The following LCT variants were observed in gnomAD, a reference collection of about 807,000 sequenced individuals.
LCT encodes lactase.
In LCT, 90 loss-of-function variants were observed where a neutral mutation model predicts 173.0. The ratio of observed to expected loss-of-function variants is 0.52; its 90% confidence interval spans 0.44 to 0.62. The LOEUF (loss-of-function observed/expected upper bound fraction) is 0.62, where lower values mean the gene tolerates loss of function less well. Among genes scored for constraint, LCT ranks in the 20% least tolerant of loss-of-function variants. The pLI, the probability that LCT is intolerant of heterozygous loss-of-function variation, is 0.00. For missense variants in LCT, 1,864 were observed against 2,431.4 expected, an observed-to-expected ratio of 0.77 and a Z score of 4.91; for synonymous variants, 853 against 957.6, an observed-to-expected ratio of 0.89 and a Z score of 2.02.
At chr2:135,795,059 A>ACT (rs113288610) in intron 13 of LCT, among the ~76,000 whole-genome samples, 24 of 152,174 alleles carry the variant, frequency 1.6e-4, no homozygotes, top group East Asian at 5.8e-4. Context: ...ACACACACAC[A>ACT]CACACACACA....
intron 8 of LCT, 35 bp from the exon 9 acceptor site, chr2:135,807,431 G>C (rs2077686505): frequency 6.2e-7 from 1 of 1,611,538 alleles, no homozygotes; most frequent in Non-Finnish European, 8.5e-7. Flanking sequence ...AGGAGAGCTT[G>C]ACACCAGGAG....
At chr2:135,816,530 T>A (rs2077782485) in intron 6 of LCT, among the ~76,000 whole-genome samples, 1 of 152,236 alleles carries the variant, frequency 6.6e-6, no homozygotes, top group East Asian at 1.9e-4. Flanking sequence ...GGAGAGGAAC[T>A]GGGTCCTGGT....
intron 5 of LCT, among the ~76,000 whole-genome samples, chr2:135,818,670 T>A (rs541109612): frequency 6.6e-6 from 1 of 152,256 alleles, no homozygotes; most frequent in Admixed American, 6.5e-5. Flanking sequence ...AAACCCCGTC[T>A]CTACTAAAAA....
At chr2:135,811,431 C>G (rs1252386576) in intron 7 of LCT, among the ~76,000 whole-genome samples, 1 of 152,046 alleles carries the variant, frequency 6.6e-6, no homozygotes, top group Admixed American at 6.5e-5. Context: ...ATTTGCCATA[C>G]CTTTCCAATT....
At chr2:135,797,424 T>G (rs2077590992) in intron 13 of LCT, among the ~76,000 whole-genome samples, 1 of 152,162 alleles carries the variant, frequency 6.6e-6, no homozygotes, top group Non-Finnish European at 1.5e-5. Context: ...TCACCCCACC[T>G]GCATGATTCT....
At chr2:135,813,669 C>T (rs2077753822) in intron 6 of LCT, among the ~76,000 whole-genome samples, 1 of 152,240 alleles carries the variant, frequency 6.6e-6, no homozygotes, top group Admixed American at 6.5e-5. Flanking sequence ...CCCTGGCAGT[C>T]TGATTCCAAG....
intron 7 of LCT, 75 bp from the exon 8 acceptor site, chr2:135,810,068 C>T: frequency 9.4e-7 from 1 of 1,066,960 alleles, no homozygotes; most frequent in South Asian, 1.4e-5. Context: ...ACTGTATTGC[C>T]CAGGCTGGTC....
intron 5 of LCT, among the ~76,000 whole-genome samples, chr2:135,818,561 T>G (rs544126923): frequency 1.9e-4 from 29 of 152,098 alleles, no homozygotes; most frequent in Non-Finnish European, 3.7e-4. Context: ...AAACGGGGGC[T>G]GGGTGTGGTG....
rs1235251541 is a variant in LCT, at chr2:135,790,770, A to G, written c.5223T>C (p.Asn1741=). 2 of 1,613,912 alleles carry G rather than the reference A, an allele frequency of 1.2e-6. No individual in the cohort carries two copies. Among genetic ancestry groups the G allele is most frequent in the Non-Finnish European group, 1.7e-6 (2 of 1,179,880 alleles). The change falls in exon 15 of 17, where the codon AAT becomes AAC. Residue 1741 remains asparagine, a synonymous_variant. Transcript: ENST00000264162. The surrounding 1 kb of genome is among the most constrained non-coding windows in gnomAD (Gnocchi z 4.1). The part of the protein sequence containing the change: ...RILNWLKEEY[N]DPPIYVTENG... Reference sequence around the variant, plus strand: ...TCTCTGTGACATAAATTGGAGGGTCATTGTATTCCTCCTTTAACCAGTTCA... The same window carrying G: ...TCTCTGTGACATAAATTGGAGGGTCGTTGTATTCCTCCTTTAACCAGTTCA...
chr2:135,829,525 AAATGTCT>A, intron 3 of LCT, 61 bp downstream of exon 3: 1 of 1,168,466 alleles, frequency 8.6e-7, no homozygotes, highest in Non-Finnish European at 1.3e-6. Flanking sequence ...CCAAAGCATT[AAATGTCT>A]AATCTGCTCT....
chr2:135,822,026 T>A lies in LCT; in HGVS notation c.980A>T (p.Lys327Met). Residue 327 changes from lysine (K) to methionine (M), a missense_variant, in exon 5 of 17, where the codon AAG becomes ATG. Transcript: ENST00000264162. ...ATAGGCAACCTGACATTACCTTTTC[T>A]TGGAACTTGATGAACAACTCAGAAA... ...NEFLSCSSSS[K>M]KSMSCSLTGS... 3.8e-6 allele frequency: 6 copies of A among 1,591,084 alleles called. 1 individual carries two copies. Among genetic ancestry groups the A allele is most frequent in the Non-Finnish European group, 5.2e-6 (6 of 1,159,034 alleles).
chr2:135,802,377 AAAGT>A (rs1398728730), intron 11 of LCT, among the ~76,000 whole-genome samples: 5 of 152,366 alleles, frequency 3.3e-5, no homozygotes, highest in Admixed American at 3.3e-4. Context: ...TATCCAAAGG[AAAGT>A]AAGTCAGAAT....
At chr2:135,829,147 C>A (rs1469550124) in intron 3 of LCT, among the ~76,000 whole-genome samples, 1 of 151,860 alleles carries the variant, frequency 6.6e-6, no homozygotes, top group Non-Finnish European at 1.5e-5. Context: ...GCCAAGATCA[C>A]GCCACTGCAC....
Position 135,807,320 on chromosome 2 carries a change from G to C in LCT, c.3981C>G (p.Gly1327=). The part of the protein sequence containing the change: ...SLMDNFEWLN[G]YTVKFGLYHV... ...GGTACAGTCCAAACTTGACCGTGTA[G>C]CCATTTAGCCACTCAAAGTTGTCCA... Residue 1327 remains glycine (G), a synonymous_variant, in exon 9 of 17, where the codon GGC becomes GGG. Transcript: ENST00000264162. 1.2e-6 allele frequency: 2 copies of C among 1,614,162 alleles called. No individual in the cohort carries two copies. Among genetic ancestry groups the C allele is most frequent in the East Asian group, 4.5e-5 (2 of 44,886 alleles).
chr2:135,800,917 A>T (rs2077621416), intron 11 of LCT, 108 bp from the exon 12 acceptor site: 2 of 836,140 alleles, frequency 2.4e-6, no homozygotes, highest in Non-Finnish European at 2.0e-6. Context: ...GAAGGGGTGT[A>T]GATTCTGACA....
intron 11 of LCT, among the ~76,000 whole-genome samples, chr2:135,803,296 G>A (rs2077642660): frequency 6.6e-6 from 1 of 151,984 alleles, no homozygotes; most frequent in Non-Finnish European, 1.5e-5. Context: ...AATATATTTT[G>A]TACTCCATAC....
At chr2:135,795,126 A>G (rs914205491) in intron 13 of LCT, among the ~76,000 whole-genome samples, 1 of 152,186 alleles carries the variant, frequency 6.6e-6, no homozygotes. Context: ...GATATTTAGC[A>G]TCTATGACAG....
chr2:135,797,425 G>C (rs984743769), intron 13 of LCT, among the ~76,000 whole-genome samples: 4 of 152,154 alleles, frequency 2.6e-5, no homozygotes, highest in Admixed American at 2.6e-4. Context: ...CACCCCACCT[G>C]CATGATTCTC....
chr2:135,826,554 C>T (rs187952445), intron 3 of LCT, among the ~76,000 whole-genome samples: 43 of 151,856 alleles, frequency 2.8e-4, no homozygotes, highest in African/African-American at 1.0e-3. Context: ...GGTGACAGAG[C>T]GAGACTCCAT....
Sources: gnomAD v4.1 joint callset for allele counts (sites outside exome capture counted in the v4.1 genomes callset) on GRCh38, gnomAD v4.1.1 for gene constraint, Gnocchi (gnomAD v3.1) non-coding constraint, MANE v1.5 for transcripts, NCBI Gene and HGNC (gene_info 2026-07-23, HGNC 2026-07-21) for gene names.